Variants in SACS observed in about 807,000 individuals in gnomAD.
SACS encodes the protein sacsin.
In SACS, 197 loss-of-function variants were observed where a neutral mutation model predicts 348.0. The observed-to-expected ratio is 0.57, with a 90% CI of 0.50 to 0.64. The LOEUF (loss-of-function observed/expected upper bound fraction) is 0.64, where lower values mean the gene tolerates loss of function less well. Among genes scored for constraint, SACS ranks in the 30% least tolerant of loss-of-function variants. The pLI is 0.00. For missense variants in SACS, 4,999 were observed against 5,360.8 expected (o/e 0.93, Z 2.11); for synonymous variants, 1,985 against 1,910.6 (o/e 1.04, Z -1.02).
chr13:23,338,371 A>T lies in SACS; in HGVS notation c.5505T>A (p.Ser1835Arg). ...CCAGTCCTAGTCTTCTTCCACTCTC[A>T]CTCAGGGAAAACTTCAGAGCCTCTC... ...DTGEALKFSLSESGRRLGLVP... is the reference protein window; with the variant it reads ...DTGEALKFSLRESGRRLGLVP... Residue 1835 changes from serine (S) to arginine (R), a missense_variant, in exon 10 of 10, where the codon AGT (serine) becomes AGA (arginine). Around this residue, in one of 6 missense-constraint regions of SACS, gnomAD observed 3,156 missense variants for 3,380.1 expected, o/e 0.93. Coordinates refer to ENST00000382292, the MANE Select transcript of SACS (RefSeq NM_014363.6). 6.2e-7 allele frequency: 1 copy of T among 1,613,906 alleles called. No homozygotes were observed. The highest frequency in any genetic ancestry group is 8.5e-7 in the Non-Finnish European group (1 of 1,179,966).
chr13:23,333,586 G>A lies in SACS; in HGVS notation c.10290C>T (p.Tyr3430=), dbSNP rs367735607. 9.9e-6 allele frequency: 16 copies of A among 1,613,564 alleles called. No homozygotes were observed. Among genetic ancestry groups the A allele is most frequent in the Middle Eastern group, 1.6e-4 (1 of 6,062 alleles). The change falls in exon 10 of 10, where the codon TAC becomes TAT. Residue 3430 remains tyrosine, a synonymous_variant. Coordinates refer to ENST00000382292, the MANE Select transcript of SACS (RefSeq NM_014363.6). ...YVSIGKFGTC[Y]VLTKSIPSAE... ...CTGAAGGGATACTTTTTGTAAGTAC[G>A]TAGCATGTTCCAAATTTTCCAATGC...
chr13:23,387,474 A>AG (rs199904994), intron 2 of SACS, among the ~76,000 whole-genome samples: 4,729 of 149,096 alleles, frequency 0.032, 91 homozygotes, highest in Middle Eastern at 0.078. Flanking sequence ...AAAAAAAAAA[A>AG]AAAAAAAAAA....
At position 23,339,199 on chromosome 13, in the gene SACS, T is replaced by C. The variant is rs1222264731; in HGVS notation, c.4677A>G (p.Gly1559=). 1 of 1,612,262 alleles carries C rather than the reference T, an allele frequency of 6.2e-7. No individual in the cohort carries two copies. The change falls in exon 10 of 10, where the codon GGA becomes GGG. Residue 1559 remains glycine (G), a synonymous_variant. Coordinates refer to ENST00000382292, the MANE Select transcript of SACS (RefSeq NM_014363.6). ...EVDKVGKFGL[G]FNSVYHITDI... ...CAGTGATATGGTACACAGAATTAAA[T>C]CCAAGACCAAATTTTCCAACTTTGT...
chr13:23,398,666 T>G (rs938503267), intron 2 of SACS, among the ~76,000 whole-genome samples: 10 of 152,144 alleles, frequency 6.6e-5, no homozygotes, highest in Admixed American at 5.9e-4. Context: ...CAAATATTAT[T>G]ATTTGAGGAC....
Position 23,336,405 on chromosome 13 carries a change from C to T in SACS, c.7471G>A (p.Glu2491Lys), listed in dbSNP as rs1434440441. 1.2e-6 allele frequency: 2 copies of T among 1,614,104 alleles called. No homozygotes were observed. The highest frequency in any genetic ancestry group is 1.7e-5 in the Admixed American group (1 of 60,020). Residue 2491 changes from glutamate (E) to lysine (K), a missense_variant, in exon 10 of 10, where the codon GAA becomes AAA. Physicochemically the swap from Glu to Lys is moderately conservative, Grantham distance 56. This residue lies in a region of SACS where 3,156 missense variants were observed against 3,380.1 expected (regional missense o/e 0.93). Coordinates refer to ENST00000382292, the MANE Select transcript of SACS (RefSeq NM_014363.6). ...ACTGCTCCTAGTTTTACTGCTACTT[C>T]CCTGGGTATGTCAGCATGACAATAT... is the stretch of plus-strand genomic sequence containing the variant. ...VKYCHADIPREVAVKLGAVPK... is the reference protein window; with the variant it reads ...VKYCHADIPRKVAVKLGAVPK...
chr13:23,401,973 A>G (rs1872996751), intron 2 of SACS, among the ~76,000 whole-genome samples: 1 of 152,182 alleles, frequency 6.6e-6, no homozygotes, highest in Non-Finnish European at 1.5e-5. Context: ...AGGTCAGGAG[A>G]TTGAGACCAT....
At chr13:23,371,047 G>A (rs575073385) in intron 4 of SACS, 31 bp downstream of exon 4, 2 of 1,353,762 alleles carry the variant, frequency 1.5e-6, no homozygotes, top group Non-Finnish European at 2.1e-6. Flanking sequence ...ACCCAACATG[G>A]TATATACTTC....
At chr13:23,390,243 T>A (rs1872477645) in intron 2 of SACS, among the ~76,000 whole-genome samples, 1 of 152,208 alleles carries the variant, frequency 6.6e-6, no homozygotes. Context: ...GAATAACTTA[T>A]AGTAAAGGTT....
chr13:23,431,188 G>C (rs1271442334), intron 1 of SACS, among the ~76,000 whole-genome samples: 3 of 152,232 alleles, frequency 2.0e-5, no homozygotes, highest in Non-Finnish European at 4.4e-5. Flanking sequence ...CCCAAAGAGA[G>C]CTATCTGAAT....
At chr13:23,396,595 A>T (rs1481261216) in intron 2 of SACS, among the ~76,000 whole-genome samples, 1 of 152,184 alleles carries the variant, frequency 6.6e-6, no homozygotes, top group Non-Finnish European at 1.5e-5. Flanking sequence ...CAAATGTGTA[A>T]GTAAAGATGC....
intron 9 of SACS, among the ~76,000 whole-genome samples, 153 bp from the exon 10 acceptor site, chr13:23,341,843 G>A (rs1185352493): frequency 7.9e-6 from 1 of 126,776 alleles, no homozygotes; most frequent in African/African-American, 3.0e-5. Flanking sequence ...CTGGAGTGCA[G>A]TAGCACAATC....
intron 2 of SACS, among the ~76,000 whole-genome samples, chr13:23,398,931 G>T (rs1593172797): frequency 6.8e-6 from 1 of 146,048 alleles, no homozygotes; most frequent in African/African-American, 2.5e-5. Flanking sequence ...TGAGGCAGGG[G>T]AATTGCTTGA....
intron 9 of SACS, among the ~76,000 whole-genome samples, chr13:23,349,171 G>GC (rs1030180495): frequency 6.6e-6 from 1 of 152,214 alleles, no homozygotes; most frequent in Non-Finnish European, 1.5e-5. Flanking sequence ...GACATCAACT[G>GC]CAAGAGTCCA....
At chr13:23,417,839 C>G (rs1873746311) in intron 1 of SACS, among the ~76,000 whole-genome samples, 3 of 152,056 alleles carry the variant, frequency 2.0e-5, no homozygotes, top group Admixed American at 2.0e-4. Context: ...AACACTGAGG[C>G]AGGCGGAACC....
chr13:23,345,919 G>A (rs1186399709), intron 9 of SACS, among the ~76,000 whole-genome samples: 1 of 151,856 alleles, frequency 6.6e-6, no homozygotes, highest in Non-Finnish European at 1.5e-5. Flanking sequence ...AAAAAAAAAG[G>A]CAGTCAGTAA....
chr13:23,334,118 T>A lies in SACS; in HGVS notation c.9758A>T (p.Glu3253Val), dbSNP rs768400546. ...CTGATCTTCTTTCACACTTACAGAT[T>A]CACTAATAAAATGCCATGCATTCTT... ...WLKNAWHFIS[E>V]SVSVKEDQEE... is the part of the protein sequence containing the mutation. Residue 3253 changes from glutamate (E) to valine (V), a missense_variant, in exon 10 of 10, where the codon GAA (glutamate) becomes GTA (valine). Transcript: ENST00000382292. 1 of 1,613,824 alleles carries A rather than the reference T, an allele frequency of 6.2e-7. No individual in the cohort carries two copies. Among genetic ancestry groups the A allele is most frequent in the South Asian group, 1.1e-5 (1 of 91,070 alleles).
At chr13:23,419,869 G>A (rs563887630) in intron 1 of SACS, among the ~76,000 whole-genome samples, 11 of 152,248 alleles carry the variant, frequency 7.2e-5, no homozygotes, top group Non-Finnish European at 1.6e-4. Context: ...GTGACCATTC[G>A]GTCACTGAGG....
Position 23,355,565 on chromosome 13 carries a change from T to C in SACS, c.1047A>G (p.Ile349Met), listed in dbSNP as rs561470749. 6.2e-7 allele frequency: 1 copy of C among 1,614,150 alleles called. No individual in the cohort carries two copies. Among genetic ancestry groups the C allele is most frequent in the African/African-American group, 1.3e-5 (1 of 75,034 alleles). Residue 349 changes from isoleucine to methionine, a missense_variant, in exon 8 of 10, where the codon ATA becomes ATG. This residue lies in a region of SACS where 3,156 missense variants were observed against 3,380.1 expected (regional missense o/e 0.93). Transcript: ENST00000382292. The part of the protein sequence containing the change: ...KALKHERPNS[I>M]KILGTAISNY... Reference sequence around the variant, plus strand: ...TACTTATAGCAGTTCCCAGAATCTTTATAGAATTCGGCCGCTCATGTTTCA... The same window carrying C: ...TACTTATAGCAGTTCCCAGAATCTTCATAGAATTCGGCCGCTCATGTTTCA...
Position 23,335,026 on chromosome 13 carries a change from A to ATG in SACS, c.8848_8849dup (p.Val2951MetfsTer3), listed in dbSNP as rs797044608. The ATG allele has an allele frequency of 6.2e-7, 1 of 1,613,636 alleles. No homozygotes were observed. Among genetic ancestry groups the ATG allele is most frequent in the Non-Finnish European group, 8.5e-7 (1 of 1,179,676 alleles). ...ACTTCTTTAAAGTGTCCTTTACAAC[A>ATG]TGAATAGGGGTGTTCTGTAACACTG... On this transcript the variant is annotated frameshift_variant, in exon 10 of 10. Coordinates refer to ENST00000382292, the MANE Select transcript of SACS (RefSeq NM_014363.6). LOFTEE classifies it high-confidence loss of function. The surrounding 1 kb of genome is among the most constrained non-coding windows in gnomAD (Gnocchi z 4.7).
Sources: allele counts gnomAD v4.1 joint callset (sites outside exome capture counted in the v4.1 genomes callset), GRCh38; gene constraint gnomAD v4.1.1; regional missense constraint gnomAD v4.1.1; non-coding constraint Gnocchi (gnomAD v3.1); transcripts MANE v1.5; gene names NCBI Gene and HGNC (gene_info 2026-07-23, HGNC 2026-07-21).